Variants in ARHGAP18 observed in about 807,000 individuals in gnomAD.
ARHGAP18 encodes the protein rho GTPase-activating protein 18.
Under a neutral mutation model 86.2 loss-of-function variants are expected in ARHGAP18, and 67 were observed. The observed-to-expected ratio is 0.78, with a 90% confidence interval of 0.64 to 0.95. The LOEUF is 0.95. Ranked by LOEUF, ARHGAP18 falls within the 40% of genes least tolerant of loss-of-function variation. The pLI is 0.00. For missense variants in ARHGAP18, 691 were observed against 780.4 expected, an observed-to-expected ratio of 0.89 and a Z score of 1.37; for synonymous variants, 283 against 280.4, an observed-to-expected ratio of 1.01 and a Z score of -0.09.
At chr6:129,610,359 A>C (rs1340764807) in intron 8 of ARHGAP18, among the ~76,000 whole-genome samples, 1 of 152,262 alleles carries the variant, frequency 6.6e-6, no homozygotes, top group Non-Finnish European at 1.5e-5. Flanking sequence ...CAAAGATGAC[A>C]GCAGGAGGAC....
rs1463785646 is a variant in ARHGAP18 at position 129,577,088 on chromosome 6, G to A, written c.*1425C>T. On this transcript the variant is annotated 3_prime_UTR_variant, in exon 15 of 15. Transcript: ENST00000368149. ...ATAGGATTAAAAGTAATGATTCCAA[G>A]AGAAGATAATTTAGAAAAAGGCATT... is the stretch of plus-strand genomic sequence containing the variant. 1.3e-5 allele frequency: 2 copies of A among 151,850 alleles called. No individual in the cohort carries two copies. The highest frequency in any genetic ancestry group is 2.4e-5 in the African/African-American group (1 of 41,372). The allele number at this position is 151,850 out of a possible 1,614,324, so 9.4% of individuals were successfully genotyped here. A position where few individuals can be genotyped will look rare whatever the true frequency, so the allele number is the denominator to read the frequency against.
intron 5 of ARHGAP18, among the ~76,000 whole-genome samples, chr6:129,625,389 A>AT (rs1261321459): frequency 1.3e-5 from 1 of 74,472 alleles, no homozygotes; most frequent in African/African-American, 6.7e-5. Flanking sequence ...TATATTATAT[A>AT]TTTATACATA....
chr6:129,634,257 A>G (rs1316521599), intron 3 of ARHGAP18, 152 bp from the exon 4 acceptor site: 12 of 600,962 alleles, frequency 2.0e-5, no homozygotes, highest in Non-Finnish European at 3.1e-5. Flanking sequence ...GATAATAATC[A>G]ACAAGCAATC....
At chr6:129,593,805 A>G (rs1401888953) in intron 12 of ARHGAP18, among the ~76,000 whole-genome samples, 1 of 152,222 alleles carries the variant, frequency 6.6e-6, no homozygotes, top group Non-Finnish European at 1.5e-5. Context: ...AGTATTTAAG[A>G]ACATCTACAT....
chr6:129,601,546 A>G (rs1254782330), intron 10 of ARHGAP18, among the ~76,000 whole-genome samples: 3 of 146,704 alleles, frequency 2.0e-5, no homozygotes, highest in East Asian at 3.9e-4. Context: ...AAGAAAAGAG[A>G]AAAGAAAAGA....
At chr6:129,586,323 G>A (rs979110785) in intron 12 of ARHGAP18, among the ~76,000 whole-genome samples, 1 of 152,068 alleles carries the variant, frequency 6.6e-6, no homozygotes, top group African/African-American at 2.4e-5. Context: ...AATCCACCTT[G>A]TCTACTCAGT....
intron 1 of ARHGAP18, among the ~76,000 whole-genome samples, chr6:129,706,349 A>G (rs1348230365): frequency 2.0e-5 from 3 of 152,232 alleles, no homozygotes; most frequent in South Asian, 2.1e-4. Context: ...GTCGGCCATG[A>G]CAACTAATGT....
At chr6:129,705,350 G>A (rs1035496119) in intron 1 of ARHGAP18, among the ~76,000 whole-genome samples, 2 of 152,154 alleles carry the variant, frequency 1.3e-5, no homozygotes, top group African/African-American at 4.8e-5. Flanking sequence ...AGGAAGCATG[G>A]AGACAGGAGT....
At chr6:129,590,558 C>CGGG (rs1788488428) in intron 12 of ARHGAP18, among the ~76,000 whole-genome samples, 1 of 152,168 alleles carries the variant, frequency 6.6e-6, no homozygotes, top group African/African-American at 2.4e-5. Context: ...GAAATAAAAA[C>CGGG]ATTTCCCACA....
Position 129,688,689 on chromosome 6 carries a change from G to A in ARHGAP18, c.113+21335C>T, listed in dbSNP as rs567112824. 1.7e-3 allele frequency among the ~76,000 whole-genome samples: 255 copies of A among 152,250 alleles called. 1 individual carries two copies. Among genetic ancestry groups the A allele is most frequent in the African/African-American group, 5.9e-3 (245 of 41,540 alleles). ...TGCCTGTAATCCCAGCTACTTGGGA[G>A]GCTTAGGCAGGAGAATCACTTGAAC... On this transcript the variant is annotated intron_variant, in intron 1 of 14. Transcript: ENST00000368149.
chr6:129,657,934 G>A (rs1191138787), intron 1 of ARHGAP18, among the ~76,000 whole-genome samples: 1 of 152,044 alleles, frequency 6.6e-6, no homozygotes, highest in Non-Finnish European at 1.5e-5. Flanking sequence ...CATAGTATAC[G>A]GTCACTCATC....
At chr6:129,592,371 C>T (rs562034564) in intron 12 of ARHGAP18, among the ~76,000 whole-genome samples, 4 of 152,274 alleles carry the variant, frequency 2.6e-5, no homozygotes, top group African/African-American at 9.6e-5. Context: ...TCAGCATCTA[C>T]ACCGCACTGC....
At chr6:129,611,691 A>T in intron 7 of ARHGAP18, 81 bp from the exon 8 acceptor site, 1 of 1,166,314 alleles carries the variant, frequency 8.6e-7, no homozygotes, top group Non-Finnish European at 1.3e-6. Context: ...TTCACATATA[A>T]ATAAAACTGA....
chr6:129,668,268 C>A (rs373343942), intron 1 of ARHGAP18, among the ~76,000 whole-genome samples: 3 of 151,926 alleles, frequency 2.0e-5, no homozygotes, highest in African/African-American at 7.2e-5. Flanking sequence ...TGACCTTTTT[C>A]ATTGAAGAAG....
chr6:129,693,295 C>T (rs1006521486), intron 1 of ARHGAP18, among the ~76,000 whole-genome samples: 1 of 152,212 alleles, frequency 6.6e-6, no homozygotes, highest in African/African-American at 2.4e-5. Context: ...TCTGATTCTT[C>T]ATCTTCTAAA....
chr6:129,646,115 T>C (rs558768564), intron 1 of ARHGAP18, among the ~76,000 whole-genome samples: 24 of 152,332 alleles, frequency 1.6e-4, no homozygotes, highest in Admixed American at 7.8e-4. Context: ...ATTGATGATT[T>C]ATTCTGCTAT....
At chr6:129,582,173 G>A (rs181959450) in intron 13 of ARHGAP18, among the ~76,000 whole-genome samples, 1 of 150,372 alleles carries the variant, frequency 6.7e-6, no homozygotes, top group Admixed American at 6.6e-5. Context: ...CCCTGCTCTG[G>A]GGGTAGCAAA....
intron 12 of ARHGAP18, among the ~76,000 whole-genome samples, chr6:129,592,150 C>T (rs778388184): frequency 6.6e-6 from 1 of 151,988 alleles, no homozygotes; most frequent in Non-Finnish European, 1.5e-5. Flanking sequence ...CAGGGAATGT[C>T]ATAAAAAGAA....
In ARHGAP18 at chr6:129,616,250, T is replaced by C. The variant is rs968717880; in HGVS notation, c.1006A>G (p.Lys336Glu). Residue 336 changes from lysine to glutamate, a missense_variant, in exon 7 of 15, where the codon AAA (lysine) becomes GAA (glutamate). Transcript: ENST00000368149. ...LTALLEQDQR[K>E]VPGMRIPLIF... ...AAGGGTATTCGCATTCCTGGTACTT[T>C]CCTCTGATCTTGTTCTAATAGCGCT... 20 of 1,611,750 alleles carry C rather than the reference T, an allele frequency of 1.2e-5. No individual in the cohort carries two copies. Among genetic ancestry groups the C allele is most frequent in the Non-Finnish European group, 1.7e-5 (20 of 1,178,726 alleles).
Sources: gnomAD v4.1 joint callset for allele counts (sites outside exome capture counted in the v4.1 genomes callset) on GRCh38, gnomAD v4.1.1 for gene constraint, MANE v1.5 for transcripts, NCBI Gene and HGNC (gene_info 2026-07-23, HGNC 2026-07-21) for gene names.